The following GRB10 variants were observed in gnomAD, a reference collection of about 807,000 sequenced individuals.
GRB10 encodes the protein growth factor receptor-bound protein 10.
In GRB10, 20 loss-of-function variants were observed where a neutral mutation model predicts 80.9. The ratio of observed to expected loss-of-function variants is 0.25; its 90% CI spans 0.17 to 0.36. GRB10 has a LOEUF of 0.36. Among genes scored for constraint, GRB10 ranks in the 10% least tolerant of loss-of-function variants. GRB10 has a pLI of 1.00. For synonymous variants in GRB10, 291 were observed against 291.5 expected (o/e 1.00, Z 0.02); for missense variants, 548 against 747.7 (o/e 0.73, Z 3.12).
In GRB10 at chr7:50,696,051, G is replaced by A. The variant is rs1411961945; in HGVS notation, c.139+7770C>T. Among the ~76,000 whole-genome samples the A allele has an allele frequency of 3.9e-5, 6 of 152,102 alleles. No individual in the cohort carries two copies. In the South Asian group the frequency reaches 1.0e-3, roughly 26 times the overall value. On this transcript the variant is annotated intron_variant, in intron 5 of 18. Transcript: ENST00000401949. Reference sequence around the variant, plus strand: ...TTACTAGATATTTAACATATTTTAAGACAGAATAATAGTCTATCATCAGTG... The same window carrying A: ...TTACTAGATATTTAACATATTTTAAAACAGAATAATAGTCTATCATCAGTG...
intron 7 of GRB10, among the ~76,000 whole-genome samples, chr7:50,665,813 G>A (rs1238397611): frequency 5.3e-5 from 8 of 152,306 alleles, no homozygotes; most frequent in Non-Finnish European, 8.8e-5. Flanking sequence ...GCTGTCAGAC[G>A]GTGACATCCC....
At chr7:50,664,359 C>A (rs1457617578) in intron 7 of GRB10, among the ~76,000 whole-genome samples, 1 of 152,228 alleles carries the variant, frequency 6.6e-6, no homozygotes, top group Non-Finnish European at 1.5e-5. Context: ...AAATGGCACC[C>A]CACTCACCTT....
At chr7:50,729,958 G>A (rs1014021772) in intron 4 of GRB10, among the ~76,000 whole-genome samples, 2 of 152,102 alleles carry the variant, frequency 1.3e-5, no homozygotes, top group South Asian at 4.2e-4. Flanking sequence ...AAAGATCACA[G>A]CCCTTGACTC....
At chr7:50,633,703 C>CA (rs1218519337) in intron 7 of GRB10, among the ~76,000 whole-genome samples, 4 of 32,696 alleles carry the variant, frequency 1.2e-4, no homozygotes, top group Non-Finnish European at 2.1e-4. Flanking sequence ...ATATTAAAAA[C>CA]AAACAAAACA....
At chr7:50,670,625 T>A (rs997300157) in intron 6 of GRB10, among the ~76,000 whole-genome samples, 3 of 151,936 alleles carry the variant, frequency 2.0e-5, no homozygotes, top group Admixed American at 2.0e-4. Flanking sequence ...AAATACCTCA[T>A]CCGTTTGATC....
intron 2 of GRB10, among the ~76,000 whole-genome samples, chr7:50,763,495 C>T (rs1370704203): frequency 6.6e-6 from 1 of 152,178 alleles, no homozygotes; most frequent in Non-Finnish European, 1.5e-5. Context: ...TAGGCACAGG[C>T]ATCCTTCTTG....
chr7:50,735,095 T>C (rs1053322524), intron 3 of GRB10, among the ~76,000 whole-genome samples: 1 of 152,208 alleles, frequency 6.6e-6, no homozygotes. Flanking sequence ...CTATCAGAGC[T>C]AGTAAATGAG....
upstream of GRB10, among the ~76,000 whole-genome samples, chr7:50,785,712 C>T (rs2078665838): frequency 6.6e-6 from 1 of 152,276 alleles, no homozygotes; most frequent in South Asian, 2.1e-4. Context: ...CTGGCACACC[C>T]TCCTACAATA....
At chr7:50,653,706 G>C (rs766696185) in intron 7 of GRB10, among the ~76,000 whole-genome samples, 22 of 152,142 alleles carry the variant, frequency 1.4e-4, no homozygotes, top group African/African-American at 5.3e-4. Flanking sequence ...ACGATGCATC[G>C]GGAAGAGACT....
intron 10 of GRB10, chr7:50,617,848 G>C (rs1349235648): frequency 3.3e-6 from 2 of 606,000 alleles, no homozygotes; most frequent in Non-Finnish European, 2.9e-6. Context: ...GTAAGTGCCT[G>C]TTTGGCTTAG....
At chr7:50,783,564 A>G (rs1375230199), upstream of GRB10, among the ~76,000 whole-genome samples, 4 of 151,606 alleles carry the variant, frequency 2.6e-5, no homozygotes, top group African/African-American at 9.7e-5. Context: ...CCGCACACAC[A>G]TACACCACAG....
intron 7 of GRB10, among the ~76,000 whole-genome samples, chr7:50,639,631 C>A (rs541704913): frequency 1.3e-5 from 2 of 151,952 alleles, no homozygotes; most frequent in Non-Finnish European, 2.9e-5. Flanking sequence ...CGAGATTGCG[C>A]CACTGCACTC....
upstream of GRB10, among the ~76,000 whole-genome samples, chr7:50,784,065 AAC>A (rs1250971711): frequency 1.3e-5 from 2 of 152,364 alleles, no homozygotes; most frequent in Admixed American, 1.3e-4. Flanking sequence ...CACAAAGGGT[AAC>A]ACAAGGCTTT....
Position 50,616,251 on chromosome 7 carries a change from G to A in GRB10, c.943C>T (p.Arg315Trp), listed in dbSNP as rs368562566. The A allele has an allele frequency of 1.9e-6, 3 of 1,614,012 alleles. No homozygotes were observed. Among genetic ancestry groups the A allele is most frequent in the African/African-American group, 1.3e-5 (1 of 74,910 alleles). The part of the protein sequence containing the change: ...KSWKKLYVCL[R>W]RSGLYCSTKG... Reference sequence around the variant, plus strand: ...GTGGAGCAATAAAGGCCAGATCTCCGCAAACACACATACAGCTTTTTCCAT... The same window carrying A: ...GTGGAGCAATAAAGGCCAGATCTCCACAAACACACATACAGCTTTTTCCAT... The change falls in exon 11 of 19, where the codon CGG (arginine) becomes TGG (tryptophan). Residue 315 changes from arginine (R) to tryptophan (W), a missense_variant. Physicochemically the swap from Arg to Trp is moderately radical, Grantham distance 101. Around this residue, in one of 4 missense-constraint regions of GRB10, gnomAD observed 270 missense variants for 433.6 expected, o/e 0.62. Transcript: ENST00000401949.
At chr7:50,714,169 T>C (rs2066448493) in intron 4 of GRB10, among the ~76,000 whole-genome samples, 1 of 152,164 alleles carries the variant, frequency 6.6e-6, no homozygotes, top group East Asian at 1.9e-4. Flanking sequence ...TGTATTAACA[T>C]AATATTAATT....
intron 1 of GRB10, chr7:50,792,824 A>G (rs2078989043): frequency 1.3e-5 from 2 of 155,724 alleles, no homozygotes; most frequent in South Asian, 4.1e-4. Context: ...GGCCCCCAGG[A>G]GCGCGGCCTT....
intron 7 of GRB10, chr7:50,645,649 A>G (rs1226201118): frequency 2.0e-6 from 2 of 985,082 alleles, no homozygotes; most frequent in Admixed American, 1.2e-4. Context: ...GTCTCCAGGC[A>G]GATCTGAAAG....
chr7:50,720,935 C>T (rs1480781264), intron 4 of GRB10, among the ~76,000 whole-genome samples: 1 of 152,200 alleles, frequency 6.6e-6, no homozygotes, highest in Non-Finnish European at 1.5e-5. Context: ...AGAAGCTGCA[C>T]GGCACCCAAA....
At chr7:50,747,713 C>A (rs1020116839) in intron 3 of GRB10, 2 of 152,226 alleles carry the variant, frequency 1.3e-5, no homozygotes, top group African/African-American at 2.4e-5. Context: ...AGAAACCAGT[C>A]AGCAGAATCC....
Sources: gnomAD v4.1 joint callset for allele counts (sites outside exome capture counted in the v4.1 genomes callset) on GRCh38, gnomAD v4.1.1 for gene constraint, gnomAD v4.1.1 regional missense constraint, MANE v1.5 for transcripts, NCBI Gene and HGNC (gene_info 2026-07-23, HGNC 2026-07-21) for gene names.